Variants in TNFRSF19 observed in about 807,000 individuals in gnomAD.
TNFRSF19 encodes TNF receptor superfamily member 19.
TNFRSF19 carries 27 observed loss-of-function variants against 46.4 expected under a neutral mutation model. The observed-to-expected ratio is 0.58, with a 90% CI of 0.43 to 0.80. TNFRSF19 has a LOEUF of 0.80. TNFRSF19 is among the 30% of genes least tolerant of loss of function. The probability of loss-of-function intolerance (pLI) is 0.00; values close to 1 mark genes in which losing one functional copy is unlikely to be tolerated. For missense variants in TNFRSF19, 511 were observed against 530.8 expected, an observed-to-expected ratio of 0.96 and a Z score of 0.37; for synonymous variants, 204 against 205.0, an observed-to-expected ratio of 1.00 and a Z score of 0.04.
intron 7 of TNFRSF19, among the ~76,000 whole-genome samples, chr13:23,663,609 G>T (rs1044372300): frequency 6.6e-6 from 1 of 152,146 alleles, no homozygotes; most frequent in African/African-American, 2.4e-5. Context: ...TTGTCATGTG[G>T]TAGAATTTGG....
At chr13:23,668,115 A>AC (rs768419409) in intron 8 of TNFRSF19, 33 bp downstream of exon 8, 1 of 1,542,052 alleles carries the variant, frequency 6.5e-7, no homozygotes, top group African/African-American at 1.4e-5. Context: ...TCATTTCATA[A>AC]CCCCCTGTGC....
At chr13:23,583,469 AT>A (rs1399424583) in intron 1 of TNFRSF19, among the ~76,000 whole-genome samples, 1 of 152,220 alleles carries the variant, frequency 6.6e-6, no homozygotes, top group Non-Finnish European at 1.5e-5. Flanking sequence ...TTTAAACAGT[AT>A]TGGGTTATCT....
intron 9 of TNFRSF19, chr13:23,669,448 T>C (rs1951717355): frequency 1.0e-6 from 1 of 982,754 alleles, no homozygotes. Flanking sequence ...TTATATATAC[T>C]TATTATTATA....
At chr13:23,577,224 CTG>C (rs2138135603) in intron 1 of TNFRSF19, among the ~76,000 whole-genome samples, 1 of 152,360 alleles carries the variant, frequency 6.6e-6, no homozygotes, top group South Asian at 2.1e-4. Flanking sequence ...GGTTCTCTCT[CTG>C]TTGTAAGCTA....
At chr13:23,606,946 G>T (rs1316724183) in intron 3 of TNFRSF19, among the ~76,000 whole-genome samples, 1 of 152,044 alleles carries the variant, frequency 6.6e-6, no homozygotes, top group Non-Finnish European at 1.5e-5. Flanking sequence ...TCTTTCAGAG[G>T]AAAGAAAAAT....
intron 3 of TNFRSF19, among the ~76,000 whole-genome samples, chr13:23,605,077 A>T (rs1367417249): frequency 6.6e-6 from 1 of 152,236 alleles, no homozygotes; most frequent in Non-Finnish European, 1.5e-5. Context: ...CTGAAAAAGG[A>T]CTGTTATTCA....
At chr13:23,618,043 C>G (rs1881422931) in intron 4 of TNFRSF19, among the ~76,000 whole-genome samples, 1 of 152,132 alleles carries the variant, frequency 6.6e-6, no homozygotes, top group Non-Finnish European at 1.5e-5. Context: ...TAGTGGGTCC[C>G]ACGTGGTCAT....
chr13:23,643,137 C>T (rs992700153), intron 5 of TNFRSF19, among the ~76,000 whole-genome samples: 1 of 152,230 alleles, frequency 6.6e-6, no homozygotes, highest in Non-Finnish European at 1.5e-5. Context: ...TTATTTCTCT[C>T]TCTGAGAGGA....
intron 3 of TNFRSF19, among the ~76,000 whole-genome samples, chr13:23,612,123 TAAAAA>T (rs1880950746): frequency 6.6e-6 from 1 of 152,142 alleles, no homozygotes; most frequent in Admixed American, 6.5e-5. Context: ...ATACGAATGA[TAAAAA>T]GAAAAGAAAT....
intron 2 of TNFRSF19, among the ~76,000 whole-genome samples, chr13:23,590,993 C>G (rs1298483056): frequency 6.6e-6 from 1 of 151,928 alleles, no homozygotes; most frequent in Non-Finnish European, 1.5e-5. Flanking sequence ...TTCTTGGTTC[C>G]AAAAAGCAGG....
rs530605644 is a variant in TNFRSF19, at chr13:23,615,590, C to T, written c.181-277C>T. 2.0e-5 allele frequency among the ~76,000 whole-genome samples: 3 copies of T among 152,286 alleles called. No individual in the cohort carries two copies. The East Asian group carries it at 5.8e-4, about 29-fold the overall frequency. The stretch of plus-strand genomic sequence containing the variant: ...GAAGAAGTGCCATAATTCTGCCATC[C>T]ACTGATAGTAACGCAGCAGTGGGAG... On this transcript the variant is annotated intron_variant, in intron 3 of 9. Coordinates refer to ENST00000248484, the MANE Select transcript of TNFRSF19 (RefSeq NM_148957.4).
chr13:23,645,246 A>G (rs1883263719), intron 5 of TNFRSF19, among the ~76,000 whole-genome samples: 1 of 152,200 alleles, frequency 6.6e-6, no homozygotes, highest in African/African-American at 2.4e-5. Flanking sequence ...TATGTTGCCC[A>G]GGCTGGAATG....
At chr13:23,667,216 G>C (rs562261811) in intron 7 of TNFRSF19, among the ~76,000 whole-genome samples, 2 of 152,002 alleles carry the variant, frequency 1.3e-5, no homozygotes, top group South Asian at 4.2e-4. Context: ...ATAGGATTGA[G>C]AAGATTTATT....
At chr13:23,670,176 C>G (rs1951735651) in intron 9 of TNFRSF19, among the ~76,000 whole-genome samples, 1 of 152,178 alleles carries the variant, frequency 6.6e-6, no homozygotes, top group Admixed American at 6.5e-5. Flanking sequence ...TGATCTAAGT[C>G]TGCAGTACTT....
rs566578776 is a variant in TNFRSF19, at chr13:23,672,457, C to G, written c.1246-915C>G. The stretch of plus-strand genomic sequence containing the variant: ...GAGAGGACCCTGGGTTCTAGTGTTT[C>G]AATCTATTGAAATGTCTACTTTTTC... On this transcript the variant is annotated intron_variant, in intron 9 of 9. Transcript: ENST00000248484. 5.3e-4 allele frequency among the ~76,000 whole-genome samples: 80 copies of G among 152,166 alleles called. 1 individual carries two copies. The highest frequency in any genetic ancestry group is 1.0e-3 in the Non-Finnish European group (71 of 68,036).
chr13:23,588,216 G>A (rs923064310), intron 1 of TNFRSF19, among the ~76,000 whole-genome samples: 2 of 152,308 alleles, frequency 1.3e-5, no homozygotes, highest in African/African-American at 2.4e-5. Context: ...AGGAAACTGA[G>A]ACTCAGGGTT....
At chr13:23,656,438 A>G (rs918892268) in intron 5 of TNFRSF19, among the ~76,000 whole-genome samples, 6 of 152,216 alleles carry the variant, frequency 3.9e-5, no homozygotes, top group South Asian at 4.1e-4. Context: ...CGAATGTATT[A>G]TAGAAGGATT....
chr13:23,571,277 A>T (rs558062392), intron 1 of TNFRSF19, among the ~76,000 whole-genome samples: 1 of 152,204 alleles, frequency 6.6e-6, no homozygotes, highest in Non-Finnish European at 1.5e-5. Flanking sequence ...AAAAGAGTAA[A>T]ATGTATCTCT....
intron 4 of TNFRSF19, among the ~76,000 whole-genome samples, chr13:23,622,168 C>G (rs1246204064): frequency 6.6e-6 from 1 of 152,130 alleles, no homozygotes; most frequent in Non-Finnish European, 1.5e-5. Context: ...CTTTGGGAGG[C>G]CGAGGATGGT....
Sources: allele counts gnomAD v4.1 joint callset (sites outside exome capture counted in the v4.1 genomes callset), GRCh38; gene constraint gnomAD v4.1.1; transcripts MANE v1.5; gene names NCBI Gene and HGNC (gene_info 2026-07-23, HGNC 2026-07-21).